The following CEP112 variants were observed in gnomAD, a reference collection of about 807,000 sequenced individuals.
CEP112 encodes centrosomal protein 112.
CEP112 carries 127 observed loss-of-function variants against 153.0 expected under a neutral mutation model. The observed-to-expected ratio is 0.83, with a 90% confidence interval of 0.72 to 0.96. The LOEUF (loss-of-function observed/expected upper bound fraction) is 0.96. Among genes scored for constraint, CEP112 ranks in the 40% least tolerant of loss-of-function variants. The probability of loss-of-function intolerance (pLI) is 0.00; values close to 1 mark genes in which losing one functional copy is unlikely to be tolerated. For missense variants in CEP112, 1,089 were observed against 1,101.2 expected (o/e 0.99, Z 0.16); for synonymous variants, 358 against 374.4 (o/e 0.96, Z 0.51).
intron 4 of CEP112, among the ~76,000 whole-genome samples, chr17:66,148,200 T>C (rs1027637778): frequency 6.6e-6 from 1 of 152,134 alleles, no homozygotes; most frequent in African/African-American, 2.4e-5. Context: ...GGTTTCCCCT[T>C]ATAAAACCAT....
chr17:65,926,573 C>T (rs761525286), intron 19 of CEP112, among the ~76,000 whole-genome samples: 42 of 151,906 alleles, frequency 2.8e-4, no homozygotes, highest in Non-Finnish European at 3.2e-4. Context: ...TTTAGCCGGA[C>T]GTGGTGGCGT....
intron 25 of CEP112, among the ~76,000 whole-genome samples, chr17:65,639,868 C>T (rs1190949739): frequency 1.2e-3 from 128 of 108,340 alleles, no homozygotes; most frequent in Non-Finnish European, 1.9e-3. Context: ...ACGGAGTCTT[C>T]CTCTGTCACC....
intron 21 of CEP112, among the ~76,000 whole-genome samples, chr17:65,829,537 C>T (rs1374692985): frequency 1.3e-5 from 2 of 152,084 alleles, no homozygotes; most frequent in Admixed American, 6.5e-5. Context: ...TCCCAACATC[C>T]CTGAGTCTCT....
chr17:65,665,524 T>C (rs997153144), intron 24 of CEP112, among the ~76,000 whole-genome samples: 1 of 152,306 alleles, frequency 6.6e-6, no homozygotes, highest in South Asian at 2.1e-4. Flanking sequence ...GGAACAGAAC[T>C]TTCTCTTTTC....
At chr17:65,756,162 G>A (rs562850047) in intron 21 of CEP112, among the ~76,000 whole-genome samples, 2 of 152,274 alleles carry the variant, frequency 1.3e-5, no homozygotes, top group Admixed American at 1.3e-4. Flanking sequence ...CCAGCACTCT[G>A]GGAGGCCAAG....
intron 4 of CEP112, among the ~76,000 whole-genome samples, chr17:66,146,384 A>G (rs912207967): frequency 2.0e-5 from 3 of 152,074 alleles, no homozygotes; most frequent in African/African-American, 7.2e-5. Context: ...CAACAATGTC[A>G]CTGGTATAAA....
intron 6 of CEP112, among the ~76,000 whole-genome samples, chr17:66,106,259 G>C (rs1236045957): frequency 2.0e-5 from 3 of 151,888 alleles, no homozygotes; most frequent in African/African-American, 7.2e-5. Flanking sequence ...AGAAAAGCTA[G>C]AGCAAACCAA....
chr17:66,066,726 TAA>T (rs34159801), intron 10 of CEP112, 50 bp downstream of exon 10: 2 of 1,240,334 alleles, frequency 1.6e-6, no homozygotes, highest in Admixed American at 2.9e-5. Context: ...TCCACATCAC[TAA>T]AATAAAATGG....
intron 20 of CEP112, among the ~76,000 whole-genome samples, chr17:65,870,086 G>GAAAAGAAAGAAAGAAAGA (rs2058620119): frequency 7.0e-6 from 1 of 142,826 alleles, no homozygotes; most frequent in African/African-American, 2.6e-5. Context: ...AGAAAGAAAA[G>GAAAAGAAAGAAAGAAAGA]AAAGAAAGAG....
chr17:65,902,011 A>AAAAAAAAAAAAAAT, intron 20 of CEP112, 141 bp downstream of exon 20: 2 of 431,246 alleles, frequency 4.6e-6, no homozygotes, highest in Non-Finnish European at 8.1e-6. Flanking sequence ...GGGGGGAGAA[A>AAAAAAAAAAAAAAT]AACAAAAAAA....
At chr17:65,979,765 A>T (rs997166557) in intron 17 of CEP112, among the ~76,000 whole-genome samples, 1 of 152,184 alleles carries the variant, frequency 6.6e-6, no homozygotes, top group Admixed American at 6.5e-5. Context: ...TATTAAAATG[A>T]AACATCTTTA....
intron 19 of CEP112, chr17:65,913,928 G>T (rs1006897253): frequency 1.1e-6 from 1 of 952,364 alleles, no homozygotes; most frequent in Non-Finnish European, 1.2e-6. Context: ...CAATTATCCT[G>T]AGTTTTTAAA....
intron 4 of CEP112, among the ~76,000 whole-genome samples, chr17:66,147,807 T>C (rs1050290164): frequency 8.5e-5 from 13 of 152,204 alleles, no homozygotes; most frequent in African/African-American, 3.1e-4. Context: ...TTATCGAAAA[T>C]TATGTGACCA....
chr17:65,837,105 C>T (rs2057337710), intron 21 of CEP112, among the ~76,000 whole-genome samples: 1 of 152,206 alleles, frequency 6.6e-6, no homozygotes, highest in Non-Finnish European at 1.5e-5. Context: ...TCACTCAGTG[C>T]TCAATGTTGC....
intron 8 of CEP112, among the ~76,000 whole-genome samples, chr17:66,089,098 A>G (rs2068044421): frequency 6.6e-6 from 1 of 152,134 alleles, no homozygotes; most frequent in South Asian, 2.1e-4. Context: ...TACCAGGCCC[A>G]CCCACTTTCT....
intron 16 of CEP112, among the ~76,000 whole-genome samples, chr17:66,026,776 A>G (rs1235812959): frequency 6.6e-6 from 1 of 152,174 alleles, no homozygotes; most frequent in Non-Finnish European, 1.5e-5. Flanking sequence ...ACCTAATCCA[A>G]TGCTTACACA....
At chr17:66,037,851 G>T (rs1254863560) in intron 12 of CEP112, among the ~76,000 whole-genome samples, 2 of 151,944 alleles carry the variant, frequency 1.3e-5, no homozygotes, top group African/African-American at 4.8e-5. Context: ...CTTCTCCTGA[G>T]AATTCTTCAG....
Position 65,951,916 on chromosome 17 carries a change from C to G in CEP112, c.1872+9547G>C, listed in dbSNP as rs11867226. Among the ~76,000 whole-genome samples the G allele has an allele frequency of 2.6e-5, 4 of 151,902 alleles. No individual in the cohort carries two copies. In the South Asian group the frequency reaches 8.3e-4, roughly 32 times the overall value. Reference sequence around the variant, plus strand: ...GCTGCATTCCATAAATCTTGATATGCCATATTTTTGTTTCCATTCAGCTTA... The same window carrying G: ...GCTGCATTCCATAAATCTTGATATGGCATATTTTTGTTTCCATTCAGCTTA... On this transcript the variant is annotated intron_variant, in intron 18 of 26. Transcript: ENST00000535342.
At chr17:65,976,385 CT>C (rs1355904517) in intron 17 of CEP112, among the ~76,000 whole-genome samples, 2 of 151,864 alleles carry the variant, frequency 1.3e-5, no homozygotes, top group East Asian at 3.9e-4. Flanking sequence ...AAACGTTACC[CT>C]TTTTTTTAGG....
Sources: allele counts gnomAD v4.1 joint callset (sites outside exome capture counted in the v4.1 genomes callset), GRCh38; gene constraint gnomAD v4.1.1; transcripts MANE v1.5; gene names NCBI Gene and HGNC (gene_info 2026-07-23, HGNC 2026-07-21).